SIM2: variants seen among roughly 807,000 people sequenced by gnomAD.
SIM2 encodes the protein single-minded homolog 2.
In SIM2, 28 loss-of-function variants were observed where a neutral mutation model predicts 64.8. That is an observed-to-expected ratio of 0.43 (90% CI 0.32 to 0.59). The LOEUF (loss-of-function observed/expected upper bound fraction) is 0.59. Ranked by LOEUF, SIM2 falls within the 20% of genes least tolerant of loss-of-function variation. The pLI, the probability that SIM2 is intolerant of heterozygous loss-of-function variation, is 0.07. For missense variants in SIM2, 847 were observed against 871.4 expected, an observed-to-expected ratio of 0.97 and a Z score of 0.35; for synonymous variants, 408 against 391.1, an observed-to-expected ratio of 1.04 and a Z score of -0.51.
At chr21:36,700,302 TTCTTTCTTTCTTTC>T (rs1456003967) in intron 1 of SIM2, among the ~76,000 whole-genome samples, 1 of 149,564 alleles carries the variant, frequency 6.7e-6, no homozygotes, top group African/African-American at 2.6e-5. Context: ...TTTCTTTCCT[TTCTTTCTTTCTTTC>T]TCTTTCTTTT....
At chr21:36,719,771 G>T in intron 3 of SIM2, 50 bp from the exon 4 acceptor site, 2 of 1,156,774 alleles carry the variant, frequency 1.7e-6, no homozygotes, top group Non-Finnish European at 2.6e-6. Context: ...CTCCCCCTGC[G>T]CCAATCCCAG....
At position 36,744,824 on chromosome 21, in the gene SIM2, C is replaced by A; in HGVS notation, c.1264C>A (p.Gln422Lys). 6.2e-7 allele frequency: 1 copy of A among 1,614,218 alleles called. No individual in the cohort carries two copies. The highest frequency in any genetic ancestry group is 2.2e-5 in the East Asian group (1 of 44,878). Residue 422 changes from glutamine (Q) to lysine (K), a missense_variant, in exon 10 of 11, where the codon CAG (glutamine) becomes AAG (lysine). Coordinates refer to ENST00000290399, the MANE Select transcript of SIM2 (RefSeq NM_005069.6). The stretch of plus-strand genomic sequence containing the variant: ...AAGCGCTGCTGCTCCTCCAGAACTG[C>A]AGCCCCACTCAGAAAGCAGTGACCT... ...PASAAAPPEL[Q>K]PHSESSDLLY...
chr21:36,712,976 C>T (rs1482804642), intron 3 of SIM2, among the ~76,000 whole-genome samples: 2 of 152,156 alleles, frequency 1.3e-5, no homozygotes, highest in African/African-American at 4.8e-5. Flanking sequence ...ACTTGCTGGT[C>T]TGCACGTTAC....
rs1047468740 is a variant in SIM2 at position 36,723,093 on chromosome 21, C to T, written c.506C>T (p.Ala169Val). ...TTTCTTCGAATGAAATGTGTCTTGG[C>T]GAAAAGGAACGCGGGCCTGACCTGC... ...SFFLRMKCVL[A>V]KRNAGLTCSG... Residue 169 changes from alanine (A) to valine (V), a missense_variant, in exon 5 of 11, where the codon GCG becomes GTG. This residue lies in a region of SIM2 where 397 missense variants were observed against 439.2 expected (regional missense o/e 0.90). Coordinates refer to ENST00000290399, the MANE Select transcript of SIM2 (RefSeq NM_005069.6). 1.1e-5 allele frequency: 17 copies of T among 1,613,902 alleles called. No homozygotes were observed. Among genetic ancestry groups the T allele is most frequent in the East Asian group, 4.5e-5 (2 of 44,890 alleles).
At chr21:36,723,849 C>T (rs560120468) in intron 5 of SIM2, among the ~76,000 whole-genome samples, 21 of 152,358 alleles carry the variant, frequency 1.4e-4, no homozygotes, top group African/African-American at 5.1e-4. Flanking sequence ...CAGCCGCCCC[C>T]CAGGGAAAAG....
At chr21:36,728,851 C>T (rs911406123) in intron 6 of SIM2, among the ~76,000 whole-genome samples, 3 of 152,228 alleles carry the variant, frequency 2.0e-5, no homozygotes, top group Non-Finnish European at 2.9e-5. Flanking sequence ...CGAGGGTGGT[C>T]GTGGGCCTGT....
chr21:36,715,661 A>C (rs751748280), intron 3 of SIM2, among the ~76,000 whole-genome samples: 27 of 152,250 alleles, frequency 1.8e-4, no homozygotes, highest in Non-Finnish European at 3.8e-4. Context: ...ATGTTAAAAG[A>C]TCATAGAGAA....
chr21:36,726,963 G>A lies in SIM2; in HGVS notation c.743+645G>A, dbSNP rs1833508129. Reference sequence around the variant, plus strand: ...GTGGCCTTCACTCTCCCCTAGAACCGGCTGCAGTCCCAGTTTTTTAACTGA... The same window carrying A: ...GTGGCCTTCACTCTCCCCTAGAACCAGCTGCAGTCCCAGTTTTTTAACTGA... On this transcript the variant is annotated intron_variant, in intron 6 of 10. Coordinates refer to ENST00000290399, the MANE Select transcript of SIM2 (RefSeq NM_005069.6). This position sits in a 1 kb window ranked among gnomAD's most constrained non-coding sequence, Gnocchi z 4.5. Among the ~76,000 whole-genome samples the A allele has an allele frequency of 6.6e-6, 1 of 152,272 alleles. No individual in the cohort carries two copies. Among genetic ancestry groups the A allele is most frequent in the Admixed American group, 6.5e-5 (1 of 15,292 alleles).
In SIM2 at chr21:36,731,147, C is replaced by T. The variant is rs767523762; in HGVS notation, c.846C>T (p.His282=). ...TGTTCCACCTCCGCTACGCACACCA[C>T]CTCCGTGAGTAGCACGCCCACCCCA... ...CDVFHLRYAH[H]LLLVKGQVTT... Residue 282 remains histidine (H), a synonymous_variant, in exon 7 of 11, where the codon CAC becomes CAT. Coordinates refer to ENST00000290399, the MANE Select transcript of SIM2 (RefSeq NM_005069.6). The T allele has an allele frequency of 6.2e-7, 1 of 1,612,376 alleles. No individual in the cohort carries two copies. The highest frequency in any genetic ancestry group is 1.7e-4 in the Middle Eastern group (1 of 6,032).
At chr21:36,738,619 C>G (rs2089108337) in intron 7 of SIM2, among the ~76,000 whole-genome samples, 1 of 152,202 alleles carries the variant, frequency 6.6e-6, no homozygotes, top group Admixed American at 6.5e-5. Context: ...TTGAGGACAC[C>G]TGGGCTGGAC....
Position 36,723,088 on chromosome 21 carries a change from C to T in SIM2, c.501C>T (p.Val167=), listed in dbSNP as rs202186952. 4.2e-4 allele frequency: 681 copies of T among 1,614,138 alleles called. 9 individuals carry two copies. In the South Asian group the frequency reaches 6.5e-3, roughly 15 times the overall value. Residue 167 remains valine (V), a synonymous_variant, in exon 5 of 11, where the codon GTC becomes GTT. Coordinates refer to ENST00000290399, the MANE Select transcript of SIM2 (RefSeq NM_005069.6). The part of the protein sequence containing the change: ...ERSFFLRMKC[V]LAKRNAGLTC... ...CGTTCTTTCTTCGAATGAAATGTGT[C>T]TTGGCGAAAAGGAACGCGGGCCTGA... is the stretch of plus-strand genomic sequence containing the variant.
At chr21:36,728,027 G>T (rs1033557999) in intron 6 of SIM2, among the ~76,000 whole-genome samples, 1 of 152,116 alleles carries the variant, frequency 6.6e-6, no homozygotes, top group Non-Finnish European at 1.5e-5. Context: ...GGGGAAAGCT[G>T]CCAGCACCTC....
chr21:36,737,530 T>G (rs1180420009), intron 7 of SIM2, among the ~76,000 whole-genome samples: 2 of 152,186 alleles, frequency 1.3e-5, no homozygotes, highest in African/African-American at 4.8e-5. Flanking sequence ...AACCTGACAG[T>G]TTGTGTCATG....
At chr21:36,723,267 GCA>G (rs764631554) in intron 5 of SIM2, 137 bp downstream of exon 5, 152 of 698,856 alleles carry the variant, frequency 2.2e-4, no homozygotes, top group Non-Finnish European at 3.5e-4. Context: ...GCAACGTGGT[GCA>G]CAGTCTCTTG....
chr21:36,735,669 G>A (rs939549822), intron 7 of SIM2, among the ~76,000 whole-genome samples: 6 of 152,208 alleles, frequency 3.9e-5, no homozygotes, highest in African/African-American at 1.4e-4. Context: ...GTCTTGTGGT[G>A]TTTGGGTCCT....
In SIM2 at chr21:36,726,026, A is replaced by T; in HGVS notation, c.544-93A>T. ...AGTGGAGTAGAGGCTGGGCTGGGAG[A>T]TATTCTAGCATGTTTGAGAAAATGA... is the stretch of plus-strand genomic sequence containing the variant. On this transcript the variant is annotated intron_variant, in intron 5 of 10. Transcript: ENST00000290399. The surrounding 1 kb of genome is among the most constrained non-coding windows in gnomAD (Gnocchi z 4.5). 4 of 1,023,652 alleles carry T rather than the reference A, an allele frequency of 3.9e-6. No homozygotes were observed. Among genetic ancestry groups the T allele is most frequent in the Non-Finnish European group, 4.5e-6 (3 of 669,142 alleles). The allele number at this position is 1,023,652 out of a possible 1,614,324, so 63.4% of individuals were successfully genotyped here.
intron 3 of SIM2, among the ~76,000 whole-genome samples, chr21:36,717,255 T>A (rs1163030935): frequency 6.6e-6 from 1 of 152,174 alleles, no homozygotes; most frequent in East Asian, 1.9e-4. Flanking sequence ...TAAAGTTGTT[T>A]CCCGAAAACA....
intron 1 of SIM2, among the ~76,000 whole-genome samples, chr21:36,704,717 G>C (rs1278069024): frequency 6.6e-6 from 1 of 152,230 alleles, no homozygotes; most frequent in Non-Finnish European, 1.5e-5. Context: ...TGGGGGCACC[G>C]GGCCTTCTGT....
At chr21:36,709,690 G>C (rs1355811438) in intron 2 of SIM2, 3 of 344,960 alleles carry the variant, frequency 8.7e-6, no homozygotes, top group Admixed American at 8.3e-5. Context: ...AGGACGGAGA[G>C]ACAGCATCAA....
Sources: allele counts gnomAD v4.1 joint callset (sites outside exome capture counted in the v4.1 genomes callset), GRCh38; gene constraint gnomAD v4.1.1; regional missense constraint gnomAD v4.1.1; non-coding constraint Gnocchi (gnomAD v3.1); transcripts MANE v1.5; gene names NCBI Gene and HGNC (gene_info 2026-07-23, HGNC 2026-07-21).